CPS1: variants seen among roughly 807,000 people sequenced by gnomAD.
The protein encoded by CPS1 is carbamoyl-phosphate synthase 1, also known as carbamoyl-phosphate synthase [ammonia], mitochondrial.
CPS1 carries 109 observed loss-of-function variants against 174.6 expected under a neutral mutation model. The observed-to-expected ratio is 0.62, with a 90% CI of 0.53 to 0.73. The LOEUF is 0.73. CPS1 is among the 30% of genes least tolerant of loss of function. CPS1 has a pLI of 0.00. For missense variants in CPS1, 1,689 were observed against 1,821.9 expected (o/e 0.93, Z 1.33); for synonymous variants, 637 against 632.0 (o/e 1.01, Z -0.12).
At chr2:210,510,356 A>G (rs1410547238) in intron 1 of CPS1, among the ~76,000 whole-genome samples, 2 of 152,176 alleles carry the variant, frequency 1.3e-5, no homozygotes, top group African/African-American at 4.8e-5. Flanking sequence ...TCCCTTCCTT[A>G]CACCTTATAC....
chr2:210,605,363 G>A (rs532384231), intron 17 of CPS1, 117 bp downstream of exon 17: 2 of 1,116,822 alleles, frequency 1.8e-6, no homozygotes, highest in Admixed American at 1.8e-5. Flanking sequence ...ACAGACTAGT[G>A]ATAACATTTT....
chr2:210,523,345 A>G (rs1249269041), intron 1 of CPS1, among the ~76,000 whole-genome samples: 1 of 152,014 alleles, frequency 6.6e-6, no homozygotes, highest in East Asian at 1.9e-4. Flanking sequence ...TGGTTGTGGC[A>G]TTTGCACACT....
chr2:210,504,160 G>A (rs1391061501), intron 1 of CPS1, among the ~76,000 whole-genome samples: 1 of 152,006 alleles, frequency 6.6e-6, no homozygotes, highest in Non-Finnish European at 1.5e-5. Context: ...ATATACTGAT[G>A]GGTCACTGCC....
chr2:210,602,159 G>A (rs928202454), intron 15 of CPS1, 43 bp from the exon 16 acceptor site: 33 of 1,609,734 alleles, frequency 2.1e-5, no homozygotes, highest in Non-Finnish European at 2.8e-5. Flanking sequence ...TTCTGCCAGT[G>A]TGCTCAGCTT....
intron 2 of CPS1, among the ~76,000 whole-genome samples, chr2:210,575,197 G>C (rs1376856246): frequency 6.6e-6 from 1 of 152,034 alleles, no homozygotes; most frequent in Non-Finnish European, 1.5e-5. Flanking sequence ...GGTTAGTTCT[G>C]GTAGGCGTTA....
At chr2:210,563,743 C>A (rs887141055) in intron 1 of CPS1, among the ~76,000 whole-genome samples, 1 of 152,140 alleles carries the variant, frequency 6.6e-6, no homozygotes, top group Non-Finnish European at 1.5e-5. Flanking sequence ...AAACACTAGG[C>A]TGCTTCAAAA....
chr2:210,542,820 C>G (rs938291776), intron 1 of CPS1, among the ~76,000 whole-genome samples: 9 of 152,076 alleles, frequency 5.9e-5, no homozygotes, highest in African/African-American at 2.2e-4. Flanking sequence ...CATGTTTTGT[C>G]TATTTTTTAA....
intron 1 of CPS1, among the ~76,000 whole-genome samples, chr2:210,482,727 A>G (rs530274901): frequency 7.9e-5 from 12 of 152,306 alleles, no homozygotes; most frequent in Admixed American, 7.2e-4. Flanking sequence ...CCATGGTTCT[A>G]AAGGTTAACA....
chr2:210,640,199 G>C, intron 24 of CPS1, 140 bp downstream of exon 24: 1 of 633,166 alleles, frequency 1.6e-6, no homozygotes, highest in Non-Finnish European at 2.7e-6. Context: ...CTGGGGTTCA[G>C]AAAAATAAAA....
intron 1 of CPS1, among the ~76,000 whole-genome samples, chr2:210,535,819 G>GTTTTTTTTTTTTTTT (rs67369344): frequency 4.2e-5 from 5 of 118,210 alleles, no homozygotes; most frequent in African/African-American, 6.2e-5. Context: ...CTTTTTCCTT[G>GTTTTTTTTTTTTTTT]TTTTTTTTTT....
chr2:210,657,598 G>T (rs891870339), intron 30 of CPS1: 1 of 152,436 alleles, frequency 6.6e-6, no homozygotes, highest in East Asian at 1.9e-4. Context: ...GTGAGCCACC[G>T]CGCCCAGCCG....
intron 16 of CPS1, among the ~76,000 whole-genome samples, chr2:210,604,091 T>C (rs967691529): frequency 1.3e-5 from 2 of 151,986 alleles, no homozygotes; most frequent in Middle Eastern, 3.4e-3. Flanking sequence ...TTAATCATTA[T>C]TAAATTGTTA....
intron 28 of CPS1, among the ~76,000 whole-genome samples, chr2:210,652,246 T>C (rs1164361704): frequency 6.6e-6 from 1 of 152,204 alleles, no homozygotes; most frequent in African/African-American, 2.4e-5. Context: ...TTATTAATGA[T>C]GGTGCAGAAG....
At chr2:210,615,520 TA>T (rs1699277126) in intron 20 of CPS1, among the ~76,000 whole-genome samples, 1 of 152,028 alleles carries the variant, frequency 6.6e-6, no homozygotes, top group African/African-American at 2.4e-5. Context: ...TAATGGGTCT[TA>T]AAAACGCAGT....
Position 210,595,582 on chromosome 2 carries a change from G to A in CPS1, c.1359G>A (p.Lys453=), listed in dbSNP as rs1412536912. ...YSGSQAVKAM[K]EENVKTVLMN... ...GATCTCAAGCTGTAAAAGCCATGAAGGTGAGAGAATATGATCCTTACTAGA... is the reference window on the plus strand; with the variant it reads ...GATCTCAAGCTGTAAAAGCCATGAAAGTGAGAGAATATGATCCTTACTAGA... The change falls in exon 13 of 38, where the codon AAG becomes AAA. Residue 453 remains lysine (K), a splice_region_variant and synonymous_variant. Coordinates refer to ENST00000233072, the MANE Select transcript of CPS1 (RefSeq NM_001875.5). 1.0e-5 allele frequency: 16 copies of A among 1,601,402 alleles called. No individual in the cohort carries two copies. The highest frequency in any genetic ancestry group is 1.4e-5 in the Non-Finnish European group (16 of 1,169,382).
chr2:210,663,985 A>C (rs73076051), intron 33 of CPS1, among the ~76,000 whole-genome samples: 19,168 of 152,120 alleles, frequency 0.13, 1,399 homozygotes, highest in African/African-American at 0.19. Context: ...ACTTAATTGC[A>C]ACAAAGTACG....
chr2:210,579,598 G>T (rs753389372), intron 4 of CPS1, 116 bp from the exon 5 acceptor site: 2 of 801,074 alleles, frequency 2.5e-6, no homozygotes, highest in East Asian at 5.0e-5. Flanking sequence ...AAAAGAAAGA[G>T]TGGAGAAATT....
In CPS1 at chr2:210,573,355, G is replaced by A; in HGVS notation, c.184G>A (p.Gly62Ser). The change falls in exon 2 of 38, where the codon GGC (glycine) becomes AGC (serine). Residue 62 changes from glycine to serine, a missense_variant. Gly to Ser is a moderately conservative substitution (Grantham distance 56). Transcript: ENST00000233072. ...AACTAAGATGAAAGGTTACTCCTTT[G>A]GCCATCCATCCTCTGTTGCTGGTGA... ...DGTKMKGYSF[G>S]HPSSVAGEVV... 1 of 1,613,228 alleles carries A rather than the reference G, an allele frequency of 6.2e-7. No homozygotes were observed. The highest frequency in any genetic ancestry group is 8.5e-7 in the Non-Finnish European group (1 of 1,179,334).
At chr2:210,623,178 G>A (rs980392289) in intron 21 of CPS1, among the ~76,000 whole-genome samples, 1 of 151,950 alleles carries the variant, frequency 6.6e-6, no homozygotes, top group African/African-American at 2.4e-5. Context: ...TTGCTCTCTT[G>A]TTTTTATGTA....
Sources: allele counts gnomAD v4.1 joint callset (sites outside exome capture counted in the v4.1 genomes callset), GRCh38; gene constraint gnomAD v4.1.1; transcripts MANE v1.5; gene names NCBI Gene and HGNC (gene_info 2026-07-23, HGNC 2026-07-21).